FLNC: variants seen among roughly 807,000 people sequenced by gnomAD.
The protein encoded by FLNC is filamin-C.
Under a neutral mutation model 254.3 loss-of-function variants are expected in FLNC, and 91 were observed. The observed-to-expected ratio is 0.36, with a 90% CI of 0.30 to 0.43. The LOEUF is 0.43. FLNC is among the 20% of genes least tolerant of loss of function. The pLI, the probability that FLNC is intolerant of heterozygous loss-of-function variation, is 1.00. For missense variants in FLNC, 2,853 were observed against 3,802.6 expected (o/e 0.75, Z 6.57); for synonymous variants, 1,430 against 1,577.2 (o/e 0.91, Z 2.21).
chr7:128,837,832 GC>G lies in FLNC; in HGVS notation c.969+80del. On this transcript the variant is annotated intron_variant, in intron 5 of 47. Transcript: ENST00000325888. ...GAGCGTGGGGCCAACAACAGGAATG[GC>G]CCGGAGGTGACTGCCAGAGCCACAC... The G allele has an allele frequency of 2.8e-6, 4 of 1,424,792 alleles. No individual in the cohort carries two copies. The South Asian group carries it at 4.8e-5, about 17-fold the overall frequency. 88.3% of individuals were successfully genotyped at this position (1,424,792 alleles called of 1,614,324 possible).
chr7:128,844,627 C>G, intron 20 of FLNC, 31 bp from the exon 21 acceptor site: 2 of 1,591,210 alleles, frequency 1.3e-6, no homozygotes, highest in Non-Finnish European at 8.6e-7. Context: ...AGGCCAGGTG[C>G]AGGGAACCCA....
intron 28 of FLNC, 74 bp downstream of exon 28, chr7:128,849,056 T>C: frequency 6.3e-7 from 1 of 1,587,552 alleles, no homozygotes; most frequent in Non-Finnish European, 8.6e-7. Flanking sequence ...CCTGGCCTGG[T>C]CCCCAGGGGT....
Position 128,852,897 on chromosome 7 carries a change from C to T in FLNC, c.6074C>T (p.Thr2025Ile), listed in dbSNP as rs767695121. The T allele has an allele frequency of 3.7e-6, 6 of 1,613,776 alleles. No individual in the cohort carries two copies. Among genetic ancestry groups the T allele is most frequent in the Non-Finnish European group, 5.1e-6 (6 of 1,180,036 alleles). The change falls in exon 37 of 48, where the codon ACC becomes ATC. Residue 2025 changes from threonine to isoleucine, a missense_variant. Thr to Ile is a moderately conservative substitution (Grantham distance 89). Transcript: ENST00000325888. ...GTGCGCAAGAGTGGCAAGCATGTCA[C>T]CAACAGCCCCTTCAAGATCCTGGTG... The part of the protein sequence containing the change: ...VSVRKSGKHV[T>I]NSPFKILVGP...
chr7:128,832,571 A>G (rs1807937119), intron 1 of FLNC, among the ~76,000 whole-genome samples: 1 of 152,098 alleles, frequency 6.6e-6, no homozygotes, highest in African/African-American at 2.4e-5. Flanking sequence ...GTCCTTCCTG[A>G]GCACACCTCT....
rs1432076590 is a variant in FLNC, at chr7:128,849,933, G to C, written c.5200-43G>C. The C allele has an allele frequency of 2.2e-6, 3 of 1,380,250 alleles. No homozygotes were observed. In the African/African-American group the frequency reaches 4.2e-5, roughly 19 times the overall value. 85.5% of individuals were successfully genotyped at this position (1,380,250 alleles called of 1,614,324 possible). A position where few individuals can be genotyped will look rare whatever the true frequency, so the allele number is the denominator to read the frequency against. On this transcript the variant is annotated intron_variant, in intron 30 of 47. Coordinates refer to ENST00000325888, the MANE Select transcript of FLNC (RefSeq NM_001458.5). ...ATTCTCTGAGTCAGCCCCTAGGCCT[G>C]TGAGGCTGCCACACCCTGTGCCCCC...
chr7:128,840,217 T>C (rs929689748), intron 9 of FLNC, 57 bp downstream of exon 9: 3 of 1,599,260 alleles, frequency 1.9e-6, no homozygotes, highest in East Asian at 4.5e-5. Flanking sequence ...AAGGGAAGTA[T>C]GGCCAGTGGT....
rs370512642 is a variant in FLNC at position 128,830,668 on chromosome 7, G to T, written c.31G>T (p.Gly11Cys). MMNNSGYSDA[G>C]LGLGDETDEM... ...GAACAACAGCGGCTACTCAGACGCCGGCCTCGGCCTGGGCGATGAGACAGA... is the reference window on the plus strand; with the variant it reads ...GAACAACAGCGGCTACTCAGACGCCTGCCTCGGCCTGGGCGATGAGACAGA... The change falls in exon 1 of 48, where the codon GGC becomes TGC. Residue 11 changes from glycine (G) to cysteine (C), a missense_variant. Physicochemically the swap from Gly to Cys is radical, Grantham distance 159. Transcript: ENST00000325888. 1.2e-6 allele frequency: 2 copies of T among 1,612,436 alleles called. No individual in the cohort carries two copies. Among genetic ancestry groups the T allele is most frequent in the African/African-American group, 2.7e-5 (2 of 74,930 alleles).
intron 10 of FLNC, 52 bp downstream of exon 10, chr7:128,840,726 G>C: frequency 6.2e-7 from 1 of 1,611,270 alleles, no homozygotes; most frequent in South Asian, 1.1e-5. Flanking sequence ...CACAGGGAGG[G>C]ACGAGGGGCA....
Position 128,837,659 on chromosome 7 carries a change from C to T in FLNC, c.873C>T (p.Thr291=), listed in dbSNP as rs749823519. ...YGPGIEPQGN[T]VLQPAHFTVQ... Reference sequence around the variant, plus strand: ...TAGGCATCGAGCCACAGGGCAACACCGTGCTGCAGCCTGCCCACTTCACCG... The same window carrying T: ...TAGGCATCGAGCCACAGGGCAACACTGTGCTGCAGCCTGCCCACTTCACCG... Residue 291 remains threonine, a synonymous_variant, in exon 5 of 48, where the codon ACC becomes ACT. Transcript: ENST00000325888. 1.2e-5 allele frequency: 20 copies of T among 1,612,476 alleles called. No individual in the cohort carries two copies. The East Asian group carries it at 1.6e-4, about 13-fold the overall frequency.
rs909596002 is a variant in FLNC at position 128,842,385 on chromosome 7, C to T, written c.2265+11C>T. On this transcript the variant is annotated intron_variant, in intron 14 of 47. Coordinates refer to ENST00000325888, the MANE Select transcript of FLNC (RefSeq NM_001458.5). This position sits in a 1 kb window ranked among gnomAD's most constrained non-coding sequence, Gnocchi z 5.4. ...AAGAGCCCCTTCCGGGTGCGTCCTCCCGGCCTGCCCCGTGCCCACCACCAG... is the reference window on the plus strand; with the variant it reads ...AAGAGCCCCTTCCGGGTGCGTCCTCTCGGCCTGCCCCGTGCCCACCACCAG... The T allele has an allele frequency of 2.5e-6, 4 of 1,613,084 alleles. No homozygotes were observed. Among genetic ancestry groups the T allele is most frequent in the African/African-American group, 1.3e-5 (1 of 74,932 alleles).
At position 128,833,202 on chromosome 7, in the gene FLNC, G is replaced by A. The variant is rs562977706; in HGVS notation, c.353-2124G>A. 2.6e-5 allele frequency among the ~76,000 whole-genome samples: 4 copies of A among 152,270 alleles called. No homozygotes were observed. The South Asian group carries it at 6.2e-4, about 24-fold the overall frequency. On this transcript the variant is annotated intron_variant, in intron 1 of 47. Transcript: ENST00000325888. ...GAGGCCTATGAGGCAGCTCTGTCTC[G>A]CAGCTGTTCCCCAGTTGCTATTCCT... is the stretch of plus-strand genomic sequence containing the variant.
At position 128,843,658 on chromosome 7, in the gene FLNC, G is replaced by T; in HGVS notation, c.2811+81G>T. Reference sequence around the variant, plus strand: ...TCCCTCCTCCAGTCCCATGGGACCAGTTCTGGATCCTCCACGCCTTTCCTG... The same window carrying T: ...TCCCTCCTCCAGTCCCATGGGACCATTTCTGGATCCTCCACGCCTTTCCTG... On this transcript the variant is annotated intron_variant, in intron 18 of 47. Transcript: ENST00000325888. The T allele has an allele frequency of 3.2e-6, 5 of 1,559,246 alleles. No individual in the cohort carries two copies. In the East Asian group the frequency reaches 1.1e-4, roughly 35 times the overall value.
rs1808635095 is a variant in FLNC, at chr7:128,848,015, TGA to T, written c.4528_4529del (p.Asp1510ArgfsTer11). On this transcript the variant is annotated frameshift_variant, in exon 26 of 48. Coordinates refer to ENST00000325888, the MANE Select transcript of FLNC (RefSeq NM_001458.5). LOFTEE classifies it high-confidence loss of function. ...THTVHYTPAT[D>X]GPYTVAVKYA... ...ACACTGTCCACTACACCCCAGCCACTGACGGGCCCTACACGGTAGCCGTCAAG... is the reference window on the plus strand; with the variant it reads ...ACACTGTCCACTACACCCCAGCCACTCGGGCCCTACACGGTAGCCGTCAAG... The T allele has an allele frequency of 6.2e-7, 1 of 1,608,080 alleles. No homozygotes were observed. Among genetic ancestry groups the T allele is most frequent in the Non-Finnish European group, 8.5e-7 (1 of 1,177,234 alleles).
rs1809177558 is a variant in FLNC, at chr7:128,858,680, A to G, written c.*157A>G. 6.1e-6 allele frequency: 4 copies of G among 654,300 alleles called. No homozygotes were observed. Among genetic ancestry groups the G allele is most frequent in the South Asian group, 1.8e-5 (1 of 56,132 alleles). The allele number at this position is 654,300 out of a possible 1,614,324, so 40.5% of individuals were successfully genotyped here. ...GGTGAAGTGAAGGCCCAGCCTCCCC[A>G]CCCCACCGCGCCCCAGGGGTTGGAG... On this transcript the variant is annotated 3_prime_UTR_variant, in exon 48 of 48. Coordinates refer to ENST00000325888, the MANE Select transcript of FLNC (RefSeq NM_001458.5). This position sits in a 1 kb window ranked among gnomAD's most constrained non-coding sequence, Gnocchi z 6.7.
At chr7:128,843,968 G>T in intron 19 of FLNC, 36 bp from the exon 20 acceptor site, 1 of 1,614,088 alleles carries the variant, frequency 6.2e-7, no homozygotes, top group Middle Eastern at 1.6e-4. Flanking sequence ...AGGGTGGACC[G>T]GAGTCTCCTC....
chr7:128,855,048 C>T (rs1188352675), intron 42 of FLNC, 136 bp downstream of exon 42: 14 of 1,076,890 alleles, frequency 1.3e-5, no homozygotes, highest in Non-Finnish European at 1.7e-5. Flanking sequence ...TCTGCCCCGT[C>T]TCCCTCTACC....
chr7:128,850,538 G>T, intron 32 of FLNC, 55 bp downstream of exon 32: 1 of 1,423,982 alleles, frequency 7.0e-7, no homozygotes, highest in African/African-American at 1.4e-5. Flanking sequence ...CCTCTTCCAG[G>T]CCCAGTCCTG....
At chr7:128,849,261 G>A in intron 29 of FLNC, 57 bp downstream of exon 29, 2 of 1,614,066 alleles carry the variant, frequency 1.2e-6, no homozygotes, top group African/African-American at 1.3e-5. Context: ...GCGGTAGGGG[G>A]CGGGCAGCGG....
chr7:128,840,449 G>T, intron 9 of FLNC, 99 bp from the exon 10 acceptor site: 3 of 1,549,718 alleles, frequency 1.9e-6, no homozygotes, highest in Non-Finnish European at 2.7e-6. Context: ...CTGCCCTCGG[G>T]CTGGGTCGGG....
Sources: allele counts gnomAD v4.1 joint callset (sites outside exome capture counted in the v4.1 genomes callset), GRCh38; gene constraint gnomAD v4.1.1; non-coding constraint Gnocchi (gnomAD v3.1); transcripts MANE v1.5; gene names NCBI Gene and HGNC (gene_info 2026-07-23, HGNC 2026-07-21).